MGAT5B: variants seen among roughly 807,000 people sequenced by gnomAD.
MGAT5B encodes the protein N-acetylglucosaminyl-transferase Vb.
A neutral mutation model predicts 95.1 loss-of-function variants in MGAT5B; 54 were observed. The observed-to-expected ratio is 0.57, with a 90% confidence interval of 0.46 to 0.71. The LOEUF is 0.71. MGAT5B is among the 30% of genes least tolerant of loss of function. MGAT5B has a pLI of 0.00. For missense variants in MGAT5B, 935 were observed against 1,088.6 expected (o/e 0.86, Z 1.99); for synonymous variants, 464 against 451.0 (o/e 1.03, Z -0.36).
intron 1 of MGAT5B, among the ~76,000 whole-genome samples, chr17:76,871,392 C>A (rs746905980): frequency 6.6e-6 from 1 of 152,200 alleles, no homozygotes; most frequent in Admixed American, 6.5e-5. Context: ...TGAATCATGT[C>A]TCCTGTCCTT....
intron 1 of MGAT5B, among the ~76,000 whole-genome samples, chr17:76,871,442 C>T (rs1967010428): frequency 6.6e-6 from 1 of 152,214 alleles, no homozygotes; most frequent in South Asian, 2.1e-4. Flanking sequence ...CCTTGGAGCT[C>T]CCAAGCCCCT....
At chr17:76,897,265 C>T (rs1261174227) in intron 3 of MGAT5B, among the ~76,000 whole-genome samples, 1 of 152,126 alleles carries the variant, frequency 6.6e-6, no homozygotes, top group African/African-American at 2.4e-5. Context: ...CTCAGTTCTG[C>T]GGATGGTGAT....
intron 3 of MGAT5B, among the ~76,000 whole-genome samples, chr17:76,884,793 G>A (rs1427226750): frequency 1.3e-5 from 2 of 152,034 alleles, no homozygotes; most frequent in African/African-American, 4.8e-5. Context: ...TAGTAGAGAC[G>A]GGGTTTCACC....
intron 10 of MGAT5B, 56 bp from the exon 11 acceptor site, chr17:76,932,589 T>C: frequency 6.3e-7 from 1 of 1,587,582 alleles, no homozygotes; most frequent in Non-Finnish European, 8.6e-7. Context: ...CAGGGAGGCC[T>C]GGGGCTGCCC....
In MGAT5B at chr17:76,888,499, A is replaced by C. The variant is rs547010504; in HGVS notation, c.329+6201A>C. Among the ~76,000 whole-genome samples, 4 of 152,270 alleles carry C rather than the reference A, an allele frequency of 2.6e-5. No homozygotes were observed. The East Asian group carries it at 7.7e-4, about 29-fold the overall frequency. On this transcript the variant is annotated intron_variant, in intron 3 of 17. Transcript: ENST00000569840. ...AGAAAAGTGATCAGTTTCATAACAA[A>C]ATAACAGCCCCAGCAAGCACCCTAG...
At chr17:76,887,663 C>T (rs143505823) in intron 3 of MGAT5B, among the ~76,000 whole-genome samples, 6,399 of 151,070 alleles carry the variant, frequency 0.042, 174 homozygotes, top group East Asian at 0.059. Context: ...AAGCAATTCT[C>T]CCGCCTCAGC....
Position 76,949,017 on chromosome 17 carries a change from C to T in MGAT5B, c.*179C>T. On this transcript the variant is annotated 3_prime_UTR_variant, in exon 18 of 18. Coordinates refer to ENST00000569840, the MANE Select transcript of MGAT5B (RefSeq NM_001199172.2). ...CGTGCCCGGGAATAGGAGGAGGCAG[C>T]ATGCCGAGCCCCTGGGACCTCCCAG... 1 of 734,496 alleles carries T rather than the reference C, an allele frequency of 1.4e-6. No individual in the cohort carries two copies. Among genetic ancestry groups the T allele is most frequent in the Non-Finnish European group, 2.2e-6 (1 of 460,336 alleles). The allele number at this position is 734,496 out of a possible 1,614,324, so 45.5% of individuals were successfully genotyped here.
At chr17:76,904,556 C>T (rs1245640393) in intron 6 of MGAT5B, 134 bp downstream of exon 6, 5 of 1,029,288 alleles carry the variant, frequency 4.9e-6, no homozygotes, top group African/African-American at 1.6e-5. Flanking sequence ...TCCGAGCCCA[C>T]CCTACCGGGC....
intron 2 of MGAT5B, among the ~76,000 whole-genome samples, chr17:76,878,681 C>T (rs1007746862): frequency 2.0e-5 from 3 of 152,228 alleles, no homozygotes; most frequent in Admixed American, 1.3e-4. Context: ...TGCCATGTTG[C>T]CCAGGCTGGT....
chr17:76,877,215 C>A (rs745885191), intron 2 of MGAT5B, among the ~76,000 whole-genome samples: 14 of 151,726 alleles, frequency 9.2e-5, no homozygotes, highest in Non-Finnish European at 2.1e-4. Flanking sequence ...ATCTCAGCTC[C>A]TCGGGAGGCT....
Position 76,940,764 on chromosome 17 carries a change from C to A in MGAT5B, c.1764C>A (p.Phe588Leu). The A allele has an allele frequency of 1.2e-6, 2 of 1,614,148 alleles. No individual in the cohort carries two copies. Among genetic ancestry groups the A allele is most frequent in the Non-Finnish European group, 1.7e-6 (2 of 1,180,030 alleles). The part of the protein sequence containing the change: ...VFSQHPYAEN[F>L]IGKPHVWTVD... ...CCCAGCATCCCTACGCGGAGAACTTCATCGGCAAGCCCCACGTGTGGACAG... is the reference window on the plus strand; with the variant it reads ...CCCAGCATCCCTACGCGGAGAACTTAATCGGCAAGCCCCACGTGTGGACAG... The change falls in exon 15 of 18, where the codon TTC becomes TTA. Residue 588 changes from phenylalanine (F) to leucine (L), a missense_variant. Physicochemically the swap from Phe to Leu is conservative, Grantham distance 22. Transcript: ENST00000569840. This position sits in a 1 kb window ranked among gnomAD's most constrained non-coding sequence, Gnocchi z 4.3.
intron 3 of MGAT5B, among the ~76,000 whole-genome samples, chr17:76,899,182 C>T (rs1013462245): frequency 1.6e-4 from 24 of 152,318 alleles, no homozygotes; most frequent in African/African-American, 5.8e-4. Context: ...CTTGTCTTGA[C>T]ATAGGTTGTT....
chr17:76,933,778 G>A (rs1294664526), intron 12 of MGAT5B, among the ~76,000 whole-genome samples: 1 of 152,222 alleles, frequency 6.6e-6, no homozygotes, highest in Non-Finnish European at 1.5e-5. Context: ...CAAGATGGAA[G>A]TATATTTTCT....
intron 10 of MGAT5B, among the ~76,000 whole-genome samples, chr17:76,927,825 T>G (rs895999169): frequency 5.1e-4 from 78 of 152,318 alleles, no homozygotes; most frequent in Admixed American, 2.0e-3. Context: ...TGTGGCTCTT[T>G]CAAGGCTCCA....
chr17:76,902,988 C>T (rs1218539065), intron 4 of MGAT5B, among the ~76,000 whole-genome samples: 1 of 138,360 alleles, frequency 7.2e-6, no homozygotes, highest in Admixed American at 7.6e-5. Context: ...GAGCAGCGAG[C>T]TGGGGGCTGC....
At chr17:76,933,703 C>T (rs1969567227) in intron 12 of MGAT5B, among the ~76,000 whole-genome samples, 1 of 152,198 alleles carries the variant, frequency 6.6e-6, no homozygotes. Flanking sequence ...ATCACTCTCC[C>T]AGCTGTACTG....
chr17:76,935,349 T>C (rs1969615495), intron 12 of MGAT5B, among the ~76,000 whole-genome samples: 1 of 141,032 alleles, frequency 7.1e-6, no homozygotes, highest in Admixed American at 7.2e-5. Flanking sequence ...TAGAAACATA[T>C]GCTTTCATTT....
At position 76,889,807 on chromosome 17, in the gene MGAT5B, A is replaced by G. The variant is rs557394; in HGVS notation, c.329+7509A>G. On this transcript the variant is annotated intron_variant, in intron 3 of 17. Coordinates refer to ENST00000569840, the MANE Select transcript of MGAT5B (RefSeq NM_001199172.2). This position sits in a 1 kb window ranked among gnomAD's most constrained non-coding sequence, Gnocchi z 4.4. Reference sequence around the variant, plus strand: ...CCCCACGGTGCCGAGAGCCGGACCAACCACATGACAGCCACGTTTATTGGG... The same window carrying G: ...CCCCACGGTGCCGAGAGCCGGACCAGCCACATGACAGCCACGTTTATTGGG... Among the ~76,000 whole-genome samples, 56,454 of 152,010 alleles carry G rather than the reference A, an allele frequency of 0.37. 13,175 individuals are homozygous for G. Among genetic ancestry groups the G allele is most frequent in the African/African-American group, 0.63 (26,252 of 41,444 alleles).
intron 2 of MGAT5B, among the ~76,000 whole-genome samples, chr17:76,874,274 G>A (rs557014976): frequency 6.6e-6 from 1 of 152,196 alleles, no homozygotes; most frequent in African/African-American, 2.4e-5. Context: ...TCTGTCAAAC[G>A]GCGAGCACTC....
Sources: gnomAD v4.1 joint callset for allele counts (sites outside exome capture counted in the v4.1 genomes callset) on GRCh38, gnomAD v4.1.1 for gene constraint, Gnocchi (gnomAD v3.1) non-coding constraint, MANE v1.5 for transcripts, NCBI Gene and HGNC (gene_info 2026-07-23, HGNC 2026-07-21) for gene names.